The following PDE5A variants were observed in gnomAD, a reference collection of about 807,000 sequenced individuals.
PDE5A encodes the protein cGMP-specific 3',5'-cyclic phosphodiesterase.
Under a neutral mutation model 110.2 loss-of-function variants are expected in PDE5A, and 67 were observed. The observed-to-expected ratio is 0.61, with a 90% CI of 0.50 to 0.75. The LOEUF is 0.75. Ranked by LOEUF, PDE5A falls within the 30% of genes least tolerant of loss-of-function variation. PDE5A has a pLI of 0.00. For synonymous variants in PDE5A, 328 were observed against 351.2 expected, an observed-to-expected ratio of 0.93 and a Z score of 0.74; for missense variants, 862 against 1,045.1, an observed-to-expected ratio of 0.82 and a Z score of 2.42.
chr4:119,623,779 T>C (rs1393985128), intron 1 of PDE5A, among the ~76,000 whole-genome samples: 1 of 152,188 alleles, frequency 6.6e-6, no homozygotes, highest in African/African-American at 2.4e-5. Flanking sequence ...GATCATCAGA[T>C]GACAGACTGA....
chr4:119,608,892 T>C (rs1345498085), intron 1 of PDE5A, among the ~76,000 whole-genome samples: 1 of 152,206 alleles, frequency 6.6e-6, no homozygotes, highest in African/African-American at 2.4e-5. Flanking sequence ...CCAGGCGCGG[T>C]GGCTCACGCC....
intron 11 of PDE5A, among the ~76,000 whole-genome samples, chr4:119,528,204 TATCATAAGTCTTTTTATGATCCTTTTCTA>T (rs1560603037): frequency 1.3e-5 from 2 of 152,094 alleles, no homozygotes; most frequent in Non-Finnish European, 2.9e-5. Context: ...AAAGGAATTA[TATCATAAGTCTTTTTATGATCCTTTTCTA>T]ATACCATGGC....
chr4:119,614,477 C>A lies in PDE5A; in HGVS notation c.153-7180G>T, dbSNP rs116648472. 2.6e-3 allele frequency among the ~76,000 whole-genome samples: 401 copies of A among 152,192 alleles called. 1 individual carries two copies. Among genetic ancestry groups the A allele is most frequent in the African/African-American group, 9.3e-3 (387 of 41,564 alleles). On this transcript the variant is annotated intron_variant, in intron 1 of 20. Coordinates refer to ENST00000354960, the MANE Select transcript of PDE5A (RefSeq NM_001083.4). ...ACTGAAATTGTTGGCGGATAGGCAA[C>A]AAAGAGAAGGCAGGTTCTATGCAGC...
chr4:119,593,583 G>C (rs1341054450), intron 3 of PDE5A, among the ~76,000 whole-genome samples: 1 of 152,186 alleles, frequency 6.6e-6, no homozygotes, highest in Non-Finnish European at 1.5e-5. Flanking sequence ...GTGGGTTAAG[G>C]GAGGAGGAGA....
chr4:119,577,708 T>C (rs1333951633), intron 3 of PDE5A, among the ~76,000 whole-genome samples: 1 of 152,154 alleles, frequency 6.6e-6, no homozygotes, highest in African/African-American at 2.4e-5. Context: ...GAGCTATCTA[T>C]GACAAACCCA....
chr4:119,551,987 C>G (rs962377926), intron 9 of PDE5A: 3 of 151,958 alleles, frequency 2.0e-5, no homozygotes, highest in African/African-American at 7.3e-5. Context: ...ACTGCAATAC[C>G]AGGAAACAAA....
chr4:119,598,083 T>C (rs1232258801), intron 2 of PDE5A, among the ~76,000 whole-genome samples: 1 of 152,090 alleles, frequency 6.6e-6, no homozygotes, highest in African/African-American at 2.4e-5. Context: ...AAATTATTGA[T>C]ATATAGTGAA....
intron 1 of PDE5A, among the ~76,000 whole-genome samples, chr4:119,608,103 A>G (rs940914559): frequency 1.3e-5 from 2 of 152,236 alleles, no homozygotes; most frequent in Non-Finnish European, 2.9e-5. Context: ...GATTAATGAA[A>G]GAAACAAATA....
intron 2 of PDE5A, among the ~76,000 whole-genome samples, chr4:119,604,719 T>C (rs1312137093): frequency 6.6e-6 from 1 of 152,190 alleles, no homozygotes; most frequent in African/African-American, 2.4e-5. Context: ...TACTCACTAG[T>C]AGTACCATTA....
At chr4:119,571,484 C>T (rs1414237744) in intron 3 of PDE5A, among the ~76,000 whole-genome samples, 3 of 151,936 alleles carry the variant, frequency 2.0e-5, no homozygotes, top group African/African-American at 7.3e-5. Context: ...AGGAAGGGGC[C>T]ATGAGCAAAG....
intron 11 of PDE5A, among the ~76,000 whole-genome samples, chr4:119,530,169 T>C (rs1726479724): frequency 6.6e-6 from 1 of 152,174 alleles, no homozygotes; most frequent in South Asian, 2.1e-4. Flanking sequence ...GTGACTGCCA[T>C]ATCACAGTGT....
intron 8 of PDE5A, 142 bp downstream of exon 8, chr4:119,553,496 C>A: frequency 3.1e-6 from 2 of 641,230 alleles, no homozygotes; most frequent in South Asian, 3.7e-5. Flanking sequence ...CTATTTTATT[C>A]TCCTTCCTCA....
At position 119,525,821 on chromosome 4, in the gene PDE5A, A is replaced by T; in HGVS notation, c.1633-126T>A. The T allele has an allele frequency of 1.2e-6, 1 of 866,258 alleles. No individual in the cohort carries two copies. Among genetic ancestry groups the T allele is most frequent in the Non-Finnish European group, 1.7e-6 (1 of 576,396 alleles). The allele number at this position is 866,258 out of a possible 1,614,324, so 53.7% of individuals were successfully genotyped here. A position where few individuals can be genotyped will look rare whatever the true frequency, so the allele number is the denominator to read the frequency against. Reference sequence around the variant, plus strand: ...TTTTTTTTCCTTTTTAATGAAAGACACTAGAAACCTTTTTGTACAGTGGCA... The same window carrying T: ...TTTTTTTTCCTTTTTAATGAAAGACTCTAGAAACCTTTTTGTACAGTGGCA... On this transcript the variant is annotated intron_variant, in intron 11 of 20. Coordinates refer to ENST00000354960, the MANE Select transcript of PDE5A (RefSeq NM_001083.4). The surrounding 1 kb of genome is among the most constrained non-coding windows in gnomAD (Gnocchi z 4.3).
chr4:119,559,359 T>C (rs890800971), intron 7 of PDE5A, among the ~76,000 whole-genome samples: 3 of 152,186 alleles, frequency 2.0e-5, no homozygotes, highest in Non-Finnish European at 4.4e-5. Flanking sequence ...CACAGGGATA[T>C]GCTGCTGCAC....
chr4:119,623,711 T>A (rs187187100), intron 1 of PDE5A, among the ~76,000 whole-genome samples: 25 of 152,294 alleles, frequency 1.6e-4, no homozygotes, highest in Middle Eastern at 3.4e-3. Flanking sequence ...ATACTAAAAA[T>A]TTCCTCATCT....
intron 7 of PDE5A, among the ~76,000 whole-genome samples, chr4:119,556,787 C>T (rs547074613): frequency 1.3e-5 from 2 of 152,130 alleles, no homozygotes; most frequent in South Asian, 2.1e-4. Flanking sequence ...CAAAACAAAA[C>T]GAAACAGTAT....
At chr4:119,622,245 T>C (rs1467143786) in intron 1 of PDE5A, among the ~76,000 whole-genome samples, 1 of 152,062 alleles carries the variant, frequency 6.6e-6, no homozygotes, top group Non-Finnish European at 1.5e-5. Context: ...TGATCCTGTG[T>C]GTGTGTTTTA....
chr4:119,546,869 T>C, intron 9 of PDE5A, among the ~76,000 whole-genome samples: 1 of 152,222 alleles, frequency 6.6e-6, no homozygotes, highest in African/African-American at 2.4e-5. Flanking sequence ...TTCCATTGTT[T>C]TCTAACAAAT....
At chr4:119,509,942 A>AG (rs34978491) in intron 15 of PDE5A, among the ~76,000 whole-genome samples, 39,846 of 151,824 alleles carry the variant, frequency 0.26, 5,360 homozygotes, top group East Asian at 0.38. Context: ...AAAGTCTAAA[A>AG]GCAAGGCACT....
Sources: gnomAD v4.1 joint callset for allele counts (sites outside exome capture counted in the v4.1 genomes callset) on GRCh38, gnomAD v4.1.1 for gene constraint, Gnocchi (gnomAD v3.1) non-coding constraint, MANE v1.5 for transcripts, NCBI Gene and HGNC (gene_info 2026-07-23, HGNC 2026-07-21) for gene names.